Variants in NXPE2 observed in about 807,000 individuals in gnomAD.
NXPE2 encodes the protein neurexophilin and PC-esterase domain family member 2.
A neutral mutation model predicts 34.4 loss-of-function variants in NXPE2; 34 were observed. The ratio of observed to expected loss-of-function variants is 0.99; its 90% CI spans 0.75 to 1.31. The LOEUF (loss-of-function observed/expected upper bound fraction) is 1.31, where lower values mean the gene tolerates loss of function less well. NXPE2 is among the 40% of genes most tolerant of loss of function. NXPE2 has a pLI of 0.00. For synonymous variants in NXPE2, 235 were observed against 231.3 expected (o/e 1.02, Z -0.15); for missense variants, 649 against 672.5 (o/e 0.97, Z 0.39).
At chr11:114,694,858 A>G (rs1187778450) in intron 2 of NXPE2, among the ~76,000 whole-genome samples, 1 of 150,780 alleles carries the variant, frequency 6.6e-6, no homozygotes, top group African/African-American at 2.4e-5. Context: ...TTTTTTTATT[A>G]GAGCCCTAAG....
At chr11:114,719,076 G>T in the NXPE2 span, among the ~76,000 whole-genome samples, 3 of 152,230 alleles carry the variant, frequency 2.0e-5, no homozygotes, top group Non-Finnish European at 4.4e-5. Flanking sequence ...CTCCTCCACT[G>T]TAAGATCTGT....
At chr11:114,568,784 G>A in the NXPE2 span, among the ~76,000 whole-genome samples, 9 of 152,040 alleles carry the variant, frequency 5.9e-5, no homozygotes, top group African/African-American at 1.7e-4. Context: ...CCACCATGCC[G>A]TTACCCTATC....
chr11:114,499,285 G>A, the NXPE2 span, among the ~76,000 whole-genome samples: 1 of 152,054 alleles, frequency 6.6e-6, no homozygotes, highest in Non-Finnish European at 1.5e-5. Context: ...CAAGAGGCTT[G>A]TCCATTTTAT....
At chr11:114,800,789 T>C in the NXPE2 span, among the ~76,000 whole-genome samples, 3 of 152,192 alleles carry the variant, frequency 2.0e-5, no homozygotes, top group African/African-American at 4.8e-5. Flanking sequence ...AAGATAAAGA[T>C]ACCCACCTCA....
the NXPE2 span, among the ~76,000 whole-genome samples, chr11:114,671,847 AACAG>A: frequency 2.6e-5 from 4 of 151,970 alleles, no homozygotes; most frequent in Admixed American, 1.3e-4. Flanking sequence ...TGAATACACA[AACAG>A]ACACACACAC....
the NXPE2 span, among the ~76,000 whole-genome samples, chr11:114,598,707 G>C: frequency 6.6e-6 from 1 of 151,992 alleles, no homozygotes; most frequent in Non-Finnish European, 1.5e-5. Context: ...GGGATGCAGG[G>C]ACCAGTGTTT....
the NXPE2 span, among the ~76,000 whole-genome samples, chr11:114,523,591 T>G: frequency 6.6e-6 from 1 of 152,216 alleles, no homozygotes; most frequent in Non-Finnish European, 1.5e-5. Context: ...GCTTGACAAT[T>G]TTTTGTAAAA....
the NXPE2 span, among the ~76,000 whole-genome samples, chr11:114,669,586 C>T: frequency 9.7e-3 from 1,475 of 152,126 alleles, 69 homozygotes; most frequent in Admixed American, 0.086. Context: ...ACTGAGAATA[C>T]CAAGCTCCAA....
the NXPE2 span, among the ~76,000 whole-genome samples, chr11:114,642,174 T>C: frequency 2.6e-5 from 4 of 151,974 alleles, no homozygotes; most frequent in African/African-American, 7.2e-5. Context: ...ACCCTTGATA[T>C]GATGTGATGA....
chr11:114,504,051 C>T, the NXPE2 span, among the ~76,000 whole-genome samples: 5 of 152,178 alleles, frequency 3.3e-5, no homozygotes, highest in African/African-American at 9.7e-5. Context: ...TATGGCCACA[C>T]ATCAGCCTGC....
the NXPE2 span, among the ~76,000 whole-genome samples, chr11:114,788,103 A>G: frequency 6.6e-6 from 1 of 152,176 alleles, no homozygotes; most frequent in East Asian, 1.9e-4. Context: ...TCCCGCACAC[A>G]TGTCTAACAG....
chr11:114,474,193 A>C, the NXPE2 span, among the ~76,000 whole-genome samples: 1 of 152,176 alleles, frequency 6.6e-6, no homozygotes, highest in Admixed American at 6.5e-5. Flanking sequence ...TTTCAGGAGA[A>C]AGGTCAGACC....
At chr11:114,672,531 G>C in the NXPE2 span, among the ~76,000 whole-genome samples, 2 of 151,914 alleles carry the variant, frequency 1.3e-5, no homozygotes, top group African/African-American at 4.8e-5. Context: ...GAAATTGCCA[G>C]ACTGGTTAAT....
At chr11:114,568,148 C>T in the NXPE2 span, among the ~76,000 whole-genome samples, 14 of 152,252 alleles carry the variant, frequency 9.2e-5, no homozygotes, top group East Asian at 1.9e-4. Context: ...TCTGAGCTCA[C>T]GTTCCCTTTT....
chr11:114,512,290 G>A, the NXPE2 span, among the ~76,000 whole-genome samples: 1 of 152,116 alleles, frequency 6.6e-6, no homozygotes, highest in Non-Finnish European at 1.5e-5. Flanking sequence ...AGCTGGCCCT[G>A]GACACCTTCC....
chr11:114,692,972 A>C (rs977621303), intron 2 of NXPE2, among the ~76,000 whole-genome samples: 1 of 152,144 alleles, frequency 6.6e-6, no homozygotes, highest in Non-Finnish European at 1.5e-5. Flanking sequence ...GATCCCTCCA[A>C]TTTCTCTATT....
At chr11:114,728,264 AT>A in the NXPE2 span, among the ~76,000 whole-genome samples, 1 of 152,088 alleles carries the variant, frequency 6.6e-6, no homozygotes. Context: ...ATATCTGCAA[AT>A]CCCCTTTGCT....
At chr11:114,605,828 C>A in the NXPE2 span, among the ~76,000 whole-genome samples, 4 of 147,780 alleles carry the variant, frequency 2.7e-5, no homozygotes, top group African/African-American at 1.0e-4. Context: ...CAGTGGAAAA[C>A]AAGTATTGCC....
the NXPE2 span, among the ~76,000 whole-genome samples, chr11:114,535,211 C>G: frequency 1.3e-5 from 2 of 151,994 alleles, no homozygotes; most frequent in Admixed American, 1.3e-4. Flanking sequence ...AAATACAATA[C>G]TTTACAGACA....
Sources: gnomAD v4.1 joint callset for allele counts (sites outside exome capture counted in the v4.1 genomes callset) on GRCh38, gnomAD v4.1.1 for gene constraint, MANE v1.5 for transcripts, NCBI Gene and HGNC (gene_info 2026-07-23, HGNC 2026-07-21) for gene names.